OPCML: variants seen among roughly 807,000 people sequenced by gnomAD.
OPCML encodes opioid binding protein/cell adhesion molecule like, also known as opioid-binding protein/cell adhesion molecule.
OPCML carries 13 observed loss-of-function variants against 37.8 expected under a neutral mutation model. The ratio of observed to expected loss-of-function variants is 0.34; its 90% CI spans 0.22 to 0.55. OPCML has a LOEUF of 0.55. OPCML is among the 20% of genes least tolerant of loss of function. The pLI is 0.91. For synonymous variants in OPCML, 176 were observed against 168.8 expected (o/e 1.04, Z -0.33); for missense variants, 341 against 435.6 (o/e 0.78, Z 1.93).
At chr11:132,796,211 G>A (rs1938301329) in intron 2 of OPCML, among the ~76,000 whole-genome samples, 1 of 152,162 alleles carries the variant, frequency 6.6e-6, no homozygotes, top group Non-Finnish European at 1.5e-5. Context: ...GATACCAAGA[G>A]ACAAATGCAC....
At chr11:133,500,340 C>T (rs527826384) in intron 1 of OPCML, among the ~76,000 whole-genome samples, 9 of 152,298 alleles carry the variant, frequency 5.9e-5, no homozygotes, top group African/African-American at 1.7e-4. Context: ...GCCACCCTGG[C>T]GTGAACAGTG....
At chr11:133,115,764 A>G (rs559901183) in intron 1 of OPCML, among the ~76,000 whole-genome samples, 3 of 152,254 alleles carry the variant, frequency 2.0e-5, no homozygotes, top group African/African-American at 7.2e-5. Context: ...GAGGAAAAAC[A>G]TGATAAAATA....
Position 133,422,382 on chromosome 11 carries a change from T to C in OPCML, c.61+109882A>G. 3 of 937,170 alleles carry C rather than the reference T, an allele frequency of 3.2e-6. 1 individual carries two copies. Among genetic ancestry groups the C allele is most frequent in the Non-Finnish European group, 2.5e-6 (2 of 801,438 alleles). The allele number at this position is 937,170 out of a possible 1,614,324, so 58.1% of individuals were successfully genotyped here. Reference sequence around the variant, plus strand: ...TTTCTCTCAGACCAAAGACATTATATATATATATATATGTATATATGCGCC... The same window carrying C: ...TTTCTCTCAGACCAAAGACATTATACATATATATATATGTATATATGCGCC... On this transcript the variant is annotated intron_variant, in intron 1 of 7. Transcript: ENST00000524381.
chr11:132,569,232 GC>G (rs1348781835), intron 3 of OPCML, among the ~76,000 whole-genome samples: 1 of 152,172 alleles, frequency 6.6e-6, no homozygotes, highest in African/African-American at 2.4e-5. Flanking sequence ...ATTAGGAAAC[GC>G]CCTAGTTCAA....
In OPCML at chr11:133,152,255, A is replaced by T. The variant is rs115763287; in HGVS notation, c.62-209245T>A. Reference sequence around the variant, plus strand: ...CCACTCCCACTCTGATTCCCCTACCACTCAGCTCCCCGAAGAAAGCGGAAA... The same window carrying T: ...CCACTCCCACTCTGATTCCCCTACCTCTCAGCTCCCCGAAGAAAGCGGAAA... On this transcript the variant is annotated intron_variant, in intron 1 of 7. Coordinates refer to ENST00000524381, the MANE Select transcript of OPCML (RefSeq NM_001012393.5). 4.5e-3 allele frequency among the ~76,000 whole-genome samples: 689 copies of T among 151,986 alleles called. 2 individuals are homozygous for T. The highest frequency in any genetic ancestry group is 0.016 in the African/African-American group (656 of 41,462).
At chr11:133,347,386 C>G (rs1944027778) in intron 1 of OPCML, among the ~76,000 whole-genome samples, 1 of 152,148 alleles carries the variant, frequency 6.6e-6, no homozygotes, top group Non-Finnish European at 1.5e-5. Context: ...GATGGCATTG[C>G]CTTAGCCATC....
chr11:132,555,744 G>A (rs1405086168), intron 3 of OPCML, among the ~76,000 whole-genome samples: 1 of 152,116 alleles, frequency 6.6e-6, no homozygotes, highest in Non-Finnish European at 1.5e-5. Flanking sequence ...TTTGCTCACT[G>A]TTAATCAGAA....
chr11:132,961,475 G>T (rs1182083930), intron 1 of OPCML, among the ~76,000 whole-genome samples: 2 of 152,212 alleles, frequency 1.3e-5, no homozygotes, highest in African/African-American at 4.8e-5. Context: ...ATTTAAGGTG[G>T]AAGAGTCAAG....
chr11:132,489,276 A>T (rs1250528961), intron 4 of OPCML, among the ~76,000 whole-genome samples: 1 of 152,198 alleles, frequency 6.6e-6, no homozygotes, highest in East Asian at 1.9e-4. Context: ...CAGGGGCAGT[A>T]ACACACATGG....
At chr11:132,843,847 G>A (rs1941404058) in intron 2 of OPCML, among the ~76,000 whole-genome samples, 1 of 152,198 alleles carries the variant, frequency 6.6e-6, no homozygotes, top group African/African-American at 2.4e-5. Flanking sequence ...CATACATGGA[G>A]AGATTAACAA....
chr11:132,945,261 T>C (rs1945720043), intron 1 of OPCML, among the ~76,000 whole-genome samples: 1 of 152,244 alleles, frequency 6.6e-6, no homozygotes, highest in Non-Finnish European at 1.5e-5. Flanking sequence ...TCCATAAACC[T>C]AGATGACACA....
At chr11:132,836,998 G>A (rs1203814282) in intron 2 of OPCML, among the ~76,000 whole-genome samples, 1 of 152,158 alleles carries the variant, frequency 6.6e-6, no homozygotes, top group Non-Finnish European at 1.5e-5. Flanking sequence ...ACCAAAAAAC[G>A]AGAAGTGGAA....
intron 1 of OPCML, among the ~76,000 whole-genome samples, chr11:133,484,561 A>G (rs1205963294): frequency 6.6e-6 from 1 of 152,176 alleles, no homozygotes; most frequent in Non-Finnish European, 1.5e-5. Context: ...GACACATAAC[A>G]GATAGTAAAA....
chr11:133,493,591 C>T (rs1452549253), intron 1 of OPCML, among the ~76,000 whole-genome samples: 1 of 151,902 alleles, frequency 6.6e-6, no homozygotes, highest in Non-Finnish European at 1.5e-5. Context: ...ACCTATTTCT[C>T]TATTGTTATA....
At chr11:133,010,069 T>C (rs986422324) in intron 1 of OPCML, among the ~76,000 whole-genome samples, 2 of 152,192 alleles carry the variant, frequency 1.3e-5, no homozygotes, top group Non-Finnish European at 2.9e-5. Flanking sequence ...GCTGAGCTCT[T>C]CTTGGGATGC....
chr11:132,810,318 A>G (rs983157685), intron 2 of OPCML, among the ~76,000 whole-genome samples: 1 of 152,214 alleles, frequency 6.6e-6, no homozygotes, highest in Non-Finnish European at 1.5e-5. Context: ...TCCCACTCCC[A>G]GGGAAACCTT....
Position 133,338,763 on chromosome 11 carries a change from GA to G in OPCML, c.61+193500del, listed in dbSNP as rs1317992041. Among the ~76,000 whole-genome samples, 9 of 152,236 alleles carry G rather than the reference GA, an allele frequency of 5.9e-5. No homozygotes were observed. The South Asian group carries it at 1.2e-3, about 21-fold the overall frequency. On this transcript the variant is annotated intron_variant, in intron 1 of 7. Coordinates refer to ENST00000524381, the MANE Select transcript of OPCML (RefSeq NM_001012393.5). ...GTTTGATAGAGATAGCTCTGGAAAGGAGTGTGTCTGCTAGGGAAAAGCTTTG... is the reference window on the plus strand; with the variant it reads ...GTTTGATAGAGATAGCTCTGGAAAGGGTGTGTCTGCTAGGGAAAAGCTTTG...
chr11:133,164,638 G>A (rs974046353), intron 1 of OPCML, among the ~76,000 whole-genome samples: 17 of 152,230 alleles, frequency 1.1e-4, no homozygotes, highest in Non-Finnish European at 5.9e-5. Flanking sequence ...AAGGCACAGA[G>A]CCCAGGAGCT....
chr11:132,802,536 C>T (rs1591631090), intron 2 of OPCML, among the ~76,000 whole-genome samples: 1 of 152,158 alleles, frequency 6.6e-6, no homozygotes, highest in East Asian at 1.9e-4. Context: ...CTTTGTGATC[C>T]AGTTACAACA....
Sources: gnomAD v4.1 joint callset for allele counts (sites outside exome capture counted in the v4.1 genomes callset) on GRCh38, gnomAD v4.1.1 for gene constraint, MANE v1.5 for transcripts, NCBI Gene and HGNC (gene_info 2026-07-23, HGNC 2026-07-21) for gene names.